VPS11: variants seen among roughly 807,000 people sequenced by gnomAD.
VPS11 encodes the protein VPS11 core subunit of CORVET and HOPS complexes, also known as vacuolar protein sorting-associated protein 11 homolog.
Under a neutral mutation model 106.8 loss-of-function variants are expected in VPS11, and 51 were observed. The observed-to-expected ratio is 0.48, with a 90% CI of 0.38 to 0.60. VPS11 has a LOEUF of 0.60. Ranked by LOEUF, VPS11 falls within the 20% of genes least tolerant of loss-of-function variation. The pLI is 0.00. For missense variants in VPS11, 950 were observed against 1,190.0 expected (o/e 0.80, Z 2.97); for synonymous variants, 453 against 458.7 (o/e 0.99, Z 0.16).
In VPS11 at chr11:119,068,284, G is replaced by A. The variant is rs183648049; in HGVS notation, c.187+274G>A. The A allele has an allele frequency of 1.7e-3, 702 of 404,174 alleles. 9 individuals carry two copies. Among genetic ancestry groups the A allele is most frequent in the African/African-American group, 0.013 (616 of 48,784 alleles). 25.0% of individuals were successfully genotyped at this position (404,174 alleles called of 1,614,324 possible). ...TGCCAATTTGACGAGGTTAATTTGA[G>A]ATCAATAAGAAAAAGAATGCAAGTT... On this transcript the variant is annotated intron_variant, in intron 1 of 15. Coordinates refer to ENST00000621676, the MANE Select transcript of VPS11 (RefSeq NM_021729.6).
At chr11:119,072,917 T>C in intron 5 of VPS11, 1 of 434,962 alleles carries the variant, frequency 2.3e-6, no homozygotes, top group South Asian at 2.4e-5. Flanking sequence ...GTTTTACATA[T>C]ACCATGTATT....
At chr11:119,077,436 C>T in intron 8 of VPS11, 65 bp from the exon 9 acceptor site, 3 of 1,560,280 alleles carry the variant, frequency 1.9e-6, no homozygotes, top group South Asian at 2.4e-5. Flanking sequence ...AAGTCAGGTG[C>T]CTGTTTCCTC....
In VPS11 at chr11:119,070,350, G is replaced by A. The variant is rs375062653; in HGVS notation, c.589G>A (p.Ala197Thr). ...TGTAACTGGATTGGCCTTTCGCCAA[G>A]CAGGAAAGACCACTCACTTGTTTGT... ...YPVTGLAFRQ[A>T]GKTTHLFVVT... The change falls in exon 4 of 16, where the codon GCA (alanine) becomes ACA (threonine). Residue 197 changes from alanine to threonine, a missense_variant. Around this residue, in one of 3 missense-constraint regions of VPS11, gnomAD observed 435 missense variants for 630.2 expected, o/e 0.69. Coordinates refer to ENST00000621676, the MANE Select transcript of VPS11 (RefSeq NM_021729.6). 5.0e-6 allele frequency: 8 copies of A among 1,613,272 alleles called. No homozygotes were observed. The highest frequency in any genetic ancestry group is 6.8e-6 in the Non-Finnish European group (8 of 1,179,586).
chr11:119,078,543 C>T lies in VPS11; in HGVS notation c.1924-22C>T, dbSNP rs369190444. The T allele has an allele frequency of 5.0e-6, 8 of 1,602,846 alleles. No homozygotes were observed. In the African/African-American group the frequency reaches 1.1e-4, roughly 21 times the overall value. The stretch of plus-strand genomic sequence containing the variant: ...GTGATTTTCCCCTTTTGTCCAGCAG[C>T]TCTGCCCTCCTTCCTCTCCAGGTCA... On this transcript the variant is annotated intron_variant, in intron 11 of 15. Transcript: ENST00000621676.
intron 5 of VPS11, 126 bp from the exon 6 acceptor site, chr11:119,073,072 G>A: frequency 1.9e-6 from 2 of 1,052,472 alleles, no homozygotes; most frequent in Non-Finnish European, 2.8e-6. Context: ...GCATGTTATG[G>A]GATGAGAGGG....
chr11:119,077,355 G>A, intron 8 of VPS11, 146 bp from the exon 9 acceptor site: 1 of 1,251,130 alleles, frequency 8.0e-7, no homozygotes, highest in Non-Finnish European at 1.1e-6. Flanking sequence ...ACTTTAGTCA[G>A]AAACTCCCAC....
chr11:119,070,472 G>A (rs1057012643), intron 4 of VPS11, 75 bp downstream of exon 4: 3 of 1,411,306 alleles, frequency 2.1e-6, no homozygotes, highest in Non-Finnish European at 2.8e-6. Flanking sequence ...GGGTAATGAA[G>A]TGACAGGAAA....
Position 119,071,620 on chromosome 11 carries a change from T to C in VPS11, c.661T>C (p.Tyr221His), listed in dbSNP as rs1945395411. 6.2e-7 allele frequency: 1 copy of C among 1,614,010 alleles called. No homozygotes were observed. The highest frequency in any genetic ancestry group is 8.5e-7 in the Non-Finnish European group (1 of 1,179,898). ...VQSYIVSGKD[Y>H]PRVELDTHGC... ...GTCCTATATAGTTTCTGGAAAAGAC[T>C]ACCCTCGCGTGGAGTTGGACACCCA... Residue 221 changes from tyrosine to histidine, a missense_variant, in exon 5 of 16, where the codon TAC becomes CAC. This residue lies in a region of VPS11 where 435 missense variants were observed against 630.2 expected (regional missense o/e 0.69). Coordinates refer to ENST00000621676, the MANE Select transcript of VPS11 (RefSeq NM_021729.6).
In VPS11 at chr11:119,081,261, A is replaced by G; in HGVS notation, c.2608A>G (p.Met870Val). ...CCCTGAAAACCGGAAGGTCATGGAT[A>G]TGATCCGGGCCCAGGAACAGAAACG... ...CLPENRKVMD[M>V]IRAQEQKRDL... The change falls in exon 15 of 16, where the codon ATG becomes GTG. Residue 870 changes from methionine (M) to valine (V), a missense_variant. By Grantham distance (21) the Met-to-Val change is conservative. Coordinates refer to ENST00000621676, the MANE Select transcript of VPS11 (RefSeq NM_021729.6). The G allele has an allele frequency of 3.1e-6, 5 of 1,614,018 alleles. No homozygotes were observed. The highest frequency in any genetic ancestry group is 3.4e-6 in the Non-Finnish European group (4 of 1,179,904).
Position 119,068,420 on chromosome 11 carries a change from G to A in VPS11, c.187+410G>A, listed in dbSNP as rs2133641810. Among the ~76,000 whole-genome samples, 11 of 146,796 alleles carry A rather than the reference G, an allele frequency of 7.5e-5. No homozygotes were observed. In the South Asian group the frequency reaches 2.4e-3, roughly 32 times the overall value. ...TTGTTGCTTTCATCTTCATGTTGCT[G>A]CTACTAAATTCTGGCCTTTTTACCT... is the stretch of plus-strand genomic sequence containing the variant. On this transcript the variant is annotated intron_variant, in intron 1 of 15. Coordinates refer to ENST00000621676, the MANE Select transcript of VPS11 (RefSeq NM_021729.6).
chr11:119,078,660 C>G lies in VPS11; in HGVS notation c.2019C>G (p.His673Gln). 1 of 1,613,518 alleles carries G rather than the reference C, an allele frequency of 6.2e-7. No homozygotes were observed. Among genetic ancestry groups the G allele is most frequent in the Non-Finnish European group, 8.5e-7 (1 of 1,179,588 alleles). Residue 673 changes from histidine to glutamine, a missense_variant, in exon 12 of 16, where the codon CAC becomes CAG. Transcript: ENST00000621676. ...FDKALVLCQMHDFQDGVLYLY... is the reference protein window; with the variant it reads ...FDKALVLCQMQDFQDGVLYLY... ...AGGCCCTGGTCCTGTGCCAGATGCA[C>G]GACTTCCAGGATGGTGTCCTTTACC...
In VPS11 at chr11:119,077,766, T is replaced by C. The variant is rs1945683159; in HGVS notation, c.1573-112T>C. 2.1e-5 allele frequency: 33 copies of C among 1,549,828 alleles called. No individual in the cohort carries two copies. In the South Asian group the frequency reaches 3.9e-4, roughly 18 times the overall value. On this transcript the variant is annotated intron_variant, in intron 9 of 15. Coordinates refer to ENST00000621676, the MANE Select transcript of VPS11 (RefSeq NM_021729.6). ...CCATCCTCCTGAGTGGAGGTGAGAC[T>C]CTCAACTTGGGCAGAGCCCTGTCGT...
At position 119,081,122 on chromosome 11, in the gene VPS11, C is replaced by T. The variant is rs1026391780; in HGVS notation, c.2469C>T (p.Ser823=). The T allele has an allele frequency of 8.7e-6, 14 of 1,613,920 alleles. No homozygotes were observed. In the African/African-American group the frequency reaches 1.7e-4, roughly 20 times the overall value. The stretch of plus-strand genomic sequence containing the variant: ...AGATTTTCCAAAAGACCAAGTGCAG[C>T]ATCTGTAACAGTGCCTTGGAGTTGC... ...SPKIFQKTKC[S]ICNSALELPS... The change falls in exon 15 of 16, where the codon AGC becomes AGT. Residue 823 remains serine, a synonymous_variant. Transcript: ENST00000621676.
At chr11:119,077,455 C>CT in intron 8 of VPS11, 46 bp from the exon 9 acceptor site, 1 of 1,592,604 alleles carries the variant, frequency 6.3e-7, no homozygotes, top group Non-Finnish European at 8.6e-7. Context: ...TCTCCCTTCT[C>CT]TATCTCCCTC....
rs1170194862 is a variant in VPS11, at chr11:119,069,251, A to T, written c.243A>T (p.Gln81His). Residue 81 changes from glutamine (Q) to histidine (H), a missense_variant, in exon 2 of 16, where the codon CAA (glutamine) becomes CAT (histidine). Coordinates refer to ENST00000621676, the MANE Select transcript of VPS11 (RefSeq NM_021729.6). Reference protein sequence around the residue: ...LPRSLQLTGFQAYKLRVTHLY... With the variant: ...LPRSLQLTGFHAYKLRVTHLY... ...GTTCCCTACAGCTTACAGGCTTCCA[A>T]GCCTACAAACTACGGGTGACACACC... 1.2e-6 allele frequency: 2 copies of T among 1,613,972 alleles called. No homozygotes were observed. Among genetic ancestry groups the T allele is most frequent in the East Asian group, 2.2e-5 (1 of 44,890 alleles).
chr11:119,076,190 A>G (rs1187721448), intron 7 of VPS11, among the ~76,000 whole-genome samples: 5 of 151,322 alleles, frequency 3.3e-5, no homozygotes, highest in Non-Finnish European at 7.4e-5. Flanking sequence ...CGTGCCCTGC[A>G]CTCCAGCCTG....
chr11:119,073,604 G>C, intron 6 of VPS11, 196 bp from the exon 7 acceptor site: 1 of 869,674 alleles, frequency 1.1e-6, no homozygotes, highest in East Asian at 2.7e-5. Flanking sequence ...CCACTCTAAG[G>C]GTTCACTTTG....
chr11:119,073,457 A>G (rs1945477551), intron 6 of VPS11, 58 bp downstream of exon 6: 4 of 1,576,014 alleles, frequency 2.5e-6, no homozygotes, highest in Non-Finnish European at 3.4e-6. Context: ...CTGCAGGAGC[A>G]GGTTCCCCAA....
chr11:119,081,629 C>T lies in VPS11; in HGVS notation c.*6C>T. 6.2e-7 allele frequency: 1 copy of T among 1,613,474 alleles called. No individual in the cohort carries two copies. Among genetic ancestry groups the T allele is most frequent in the Non-Finnish European group, 8.5e-7 (1 of 1,179,614 alleles). ...ACTCCAGGAGGGGCACTTAAGCAGC[C>T]TGGAGGAAGATGTGGGCAACAGTGG... On this transcript the variant is annotated 3_prime_UTR_variant, in exon 16 of 16. Transcript: ENST00000621676.
Sources: allele counts gnomAD v4.1 joint callset (sites outside exome capture counted in the v4.1 genomes callset), GRCh38; gene constraint gnomAD v4.1.1; regional missense constraint gnomAD v4.1.1; transcripts MANE v1.5; gene names NCBI Gene and HGNC (gene_info 2026-07-23, HGNC 2026-07-21).